Variants in PRR16 observed in about 807,000 individuals in gnomAD.
PRR16 encodes the protein proline rich 16, also known as protein Largen.
Under a neutral mutation model 18.2 loss-of-function variants are expected in PRR16, and 6 were observed. The observed-to-expected ratio is 0.33, with a 90% confidence interval of 0.18 to 0.65. The LOEUF (loss-of-function observed/expected upper bound fraction) is 0.65, where lower values mean the gene tolerates loss of function less well. Ranked by LOEUF, PRR16 falls within the 30% of genes least tolerant of loss-of-function variation. PRR16 has a pLI of 0.74. For synonymous variants in PRR16, 151 were observed against 147.8 expected, an observed-to-expected ratio of 1.02 and a Z score of -0.16; for missense variants, 412 against 376.6, an observed-to-expected ratio of 1.09 and a Z score of -0.78.
At chr5:120,616,095 T>C (rs1754501340) in intron 1 of PRR16, among the ~76,000 whole-genome samples, 1 of 152,162 alleles carries the variant, frequency 6.6e-6, no homozygotes, top group African/African-American at 2.4e-5. Flanking sequence ...GGAAGAGTAC[T>C]TTTTCACTCA....
chr5:120,749,304 C>T, the PRR16 span, among the ~76,000 whole-genome samples: 3 of 151,860 alleles, frequency 2.0e-5, no homozygotes, highest in Non-Finnish European at 4.4e-5. Flanking sequence ...TTTAGAAGCA[C>T]AAAATTTAAC....
chr5:120,679,291 T>A (rs1026275283), intron 1 of PRR16, among the ~76,000 whole-genome samples: 4 of 152,176 alleles, frequency 2.6e-5, no homozygotes, highest in African/African-American at 9.6e-5. Context: ...GTTGTGGATG[T>A]TCCTAGATTT....
intron 1 of PRR16, among the ~76,000 whole-genome samples, chr5:120,670,329 A>G (rs1374877541): frequency 6.6e-6 from 1 of 152,148 alleles, no homozygotes; most frequent in Non-Finnish European, 1.5e-5. Context: ...AAAAAAGTGA[A>G]TGTTGAAGTC....
the PRR16 span, among the ~76,000 whole-genome samples, chr5:120,754,506 GTATATTA>G: frequency 0.034 from 2,407 of 70,216 alleles, 123 homozygotes; most frequent in African/African-American, 0.067. Flanking sequence ...ATTTTATTAT[GTATATTA>G]TATATTATAT....
intron 1 of PRR16, among the ~76,000 whole-genome samples, chr5:120,544,875 C>T (rs889623566): frequency 2.6e-5 from 4 of 152,052 alleles, no homozygotes; most frequent in Admixed American, 1.3e-4. Flanking sequence ...ATTTAGATGG[C>T]AGTATTCTTG....
chr5:120,688,989 A>C (rs1757179261), downstream of PRR16, among the ~76,000 whole-genome samples: 1 of 152,172 alleles, frequency 6.6e-6, no homozygotes, highest in Non-Finnish European at 1.5e-5. Flanking sequence ...ACATATACCA[A>C]AACTACACTT....
In PRR16 at chr5:120,507,899, G is replaced by A. The variant is rs1292789788; in HGVS notation, c.159+43254G>A. On this transcript the variant is annotated intron_variant, in intron 1 of 1. Coordinates refer to ENST00000407149, the MANE Select transcript of PRR16 (RefSeq NM_001300783.2). ...GGTTAGATGACAGCTGGATGACAAA[G>A]CAGTGCATTTATAACAAGGGCAGAT... is the stretch of plus-strand genomic sequence containing the variant. Among the ~76,000 whole-genome samples the A allele has an allele frequency of 4.6e-5, 7 of 152,020 alleles. No individual in the cohort carries two copies. In the East Asian group the frequency reaches 1.4e-3, roughly 29 times the overall value.
intron 1 of PRR16, among the ~76,000 whole-genome samples, chr5:120,562,633 G>A (rs1252117183): frequency 1.3e-5 from 2 of 151,970 alleles, no homozygotes. Context: ...CTTTGTGTGT[G>A]TGTGTATCCA....
At chr5:120,628,669 A>G (rs193184378) in intron 1 of PRR16, among the ~76,000 whole-genome samples, 1,761 of 108,048 alleles carry the variant, frequency 0.016, 20 homozygotes, top group South Asian at 0.046. Context: ...CTACCTACCT[A>G]TCTATCTATC....
intron 1 of PRR16, among the ~76,000 whole-genome samples, chr5:120,630,905 A>G (rs1189754872): frequency 2.6e-5 from 4 of 152,172 alleles, no homozygotes; most frequent in Non-Finnish European, 4.4e-5. Flanking sequence ...AGATGTTTTA[A>G]GTTATCTAGT....
chr5:120,465,623 G>A (rs1217224289), intron 1 of PRR16: 1 of 152,972 alleles, frequency 6.5e-6, no homozygotes, highest in East Asian at 1.9e-4. Context: ...GGTCTCCCGA[G>A]CCAGGCTGGC....
chr5:120,493,515 G>T (rs527322844), intron 1 of PRR16, among the ~76,000 whole-genome samples: 1 of 152,110 alleles, frequency 6.6e-6, no homozygotes, highest in East Asian at 1.9e-4. Flanking sequence ...AAGAAATGAT[G>T]CAGAGAGATC....
chr5:120,650,035 C>T (rs990650538), intron 1 of PRR16, among the ~76,000 whole-genome samples: 3 of 151,648 alleles, frequency 2.0e-5, no homozygotes, highest in Non-Finnish European at 2.9e-5. Context: ...CTGGCCAACA[C>T]GATGAAACCC....
chr5:120,515,940 A>G (rs1750975496), intron 1 of PRR16, among the ~76,000 whole-genome samples: 1 of 152,200 alleles, frequency 6.6e-6, no homozygotes, highest in African/African-American at 2.4e-5. Flanking sequence ...AGAGAGCCTC[A>G]CCTAAAATAT....
At chr5:120,786,670 A>T in the PRR16 span, among the ~76,000 whole-genome samples, 1 of 151,422 alleles carries the variant, frequency 6.6e-6, no homozygotes, top group Non-Finnish European at 1.5e-5. Context: ...AATGCAAATA[A>T]ATATATAATT....
intron 1 of PRR16, among the ~76,000 whole-genome samples, chr5:120,665,418 T>C (rs969990190): frequency 2.0e-5 from 3 of 151,990 alleles, no homozygotes; most frequent in African/African-American, 7.2e-5. Flanking sequence ...GCCTGTTCAC[T>C]CTGATGGTAG....
At chr5:120,577,829 A>G (rs1753130131) in intron 1 of PRR16, among the ~76,000 whole-genome samples, 1 of 152,154 alleles carries the variant, frequency 6.6e-6, no homozygotes, top group Non-Finnish European at 1.5e-5. Context: ...GCAACTGGGG[A>G]TGGAGATGCT....
At chr5:120,670,232 T>C (rs951294648) in intron 1 of PRR16, among the ~76,000 whole-genome samples, 1 of 152,170 alleles carries the variant, frequency 6.6e-6, no homozygotes, top group African/African-American at 2.4e-5. Context: ...TGTGTATTTA[T>C]AGTATCTCCC....
chr5:120,529,010 T>C (rs1301196162), intron 1 of PRR16, among the ~76,000 whole-genome samples: 2 of 152,176 alleles, frequency 1.3e-5, no homozygotes, highest in African/African-American at 4.8e-5. Flanking sequence ...TTCCATTTAA[T>C]TAAATCATTT....
Sources: allele counts gnomAD v4.1 joint callset (sites outside exome capture counted in the v4.1 genomes callset), GRCh38; gene constraint gnomAD v4.1.1; transcripts MANE v1.5; gene names NCBI Gene and HGNC (gene_info 2026-07-23, HGNC 2026-07-21).